Variants in BLACAT1 observed in about 807,000 individuals in gnomAD.
BLACAT1 encodes BLACAT1 overlapping LEMD1 locus, also known as bladder cancer associated transcript 1.
At position 205,448,152 on chromosome 1, in the gene BLACAT1, G is replaced by T. The variant is rs960364584; in HGVS notation, c.-36-7090C>A. 8.4e-6 allele frequency: 3 copies of T among 358,490 alleles called. No individual in the cohort carries two copies. In the East Asian group the frequency reaches 2.0e-4, roughly 24 times the overall value. 22.2% of individuals were successfully genotyped at this position (358,490 alleles called of 1,614,324 possible). A position where few individuals can be genotyped will look rare whatever the true frequency, so the allele number is the denominator to read the frequency against. Reference sequence around the variant, plus strand: ...AGAGTGAGGAAACAGGGCCAGAAGGGAAGTGACTGGGCCAAGGTCACACGG... The same window carrying T: ...AGAGTGAGGAAACAGGGCCAGAAGGTAAGTGACTGGGCCAAGGTCACACGG... On this transcript the variant is annotated intron_variant, in intron 1 of 1. Coordinates refer to ENST00000629624, the Ensembl canonical transcript of BLACAT1. This position sits in a 1 kb window ranked among gnomAD's most constrained non-coding sequence, Gnocchi z 4.7.
intron 1 of BLACAT1, among the ~76,000 whole-genome samples, chr1:205,451,133 T>C (rs529371361): frequency 6.6e-6 from 1 of 152,156 alleles, no homozygotes; most frequent in Non-Finnish European, 1.5e-5. Context: ...CATTTTCTCT[T>C]TAGCTTCCCC....
At chr1:205,453,871 A>T (rs1301582495) in intron 1 of BLACAT1, among the ~76,000 whole-genome samples, 2 of 152,220 alleles carry the variant, frequency 1.3e-5, no homozygotes, top group Non-Finnish European at 2.9e-5. Context: ...AGAATGGGTC[A>T]TTGGCAAACT....
At chr1:205,435,074 A>G (rs139839131), downstream of BLACAT1, 225 of 152,314 alleles carry the variant, frequency 1.5e-3, 2 homozygotes, top group African/African-American at 5.2e-3. Context: ...ACCATCCACG[A>G]GTCAGTTCAG....
At chr1:205,445,405 G>T (rs750434522) in intron 1 of BLACAT1, among the ~76,000 whole-genome samples, 1 of 152,214 alleles carries the variant, frequency 6.6e-6, no homozygotes, top group African/African-American at 2.4e-5. Context: ...GGAGAAGCCC[G>T]CATTCTCCTT....
chr1:205,450,467 G>A lies in BLACAT1; in HGVS notation c.-37+5450C>T, dbSNP rs1364328498. On this transcript the variant is annotated intron_variant, in intron 1 of 1. Coordinates refer to ENST00000629624, the Ensembl canonical transcript of BLACAT1. The surrounding 1 kb of genome is among the most constrained non-coding windows in gnomAD (Gnocchi z 4.4). Reference sequence around the variant, plus strand: ...CTGCCTGGCCCCCCTCCCCTTCTCCGCAGCCCTGGTTCCTCTCCTCACCCA... The same window carrying A: ...CTGCCTGGCCCCCCTCCCCTTCTCCACAGCCCTGGTTCCTCTCCTCACCCA... Among the ~76,000 whole-genome samples, 7 of 126,262 alleles carry A rather than the reference G, an allele frequency of 5.5e-5. No homozygotes were observed. The highest frequency in any genetic ancestry group is 8.4e-5 in the Non-Finnish European group (5 of 59,630). The allele number at this position is 126,262 out of a possible 152,430, so 82.8% of individuals were successfully genotyped here. A position where few individuals can be genotyped will look rare whatever the true frequency, so the allele number is the denominator to read the frequency against.
intron 1 of BLACAT1, among the ~76,000 whole-genome samples, chr1:205,449,478 C>T (rs1270273975): frequency 6.6e-6 from 1 of 152,054 alleles, no homozygotes; most frequent in Non-Finnish European, 1.5e-5. Flanking sequence ...CCCAACTGTA[C>T]CCTCAGCCCC....
chr1:205,455,693 C>T (rs1256310066), intron 1 of BLACAT1, among the ~76,000 whole-genome samples: 1 of 152,134 alleles, frequency 6.6e-6, no homozygotes, highest in Non-Finnish European at 1.5e-5. Flanking sequence ...AGGGGGCTTC[C>T]TCTTTGGTCG....
At chr1:205,447,189 C>T (rs1666406612) in intron 1 of BLACAT1, among the ~76,000 whole-genome samples, 1 of 152,224 alleles carries the variant, frequency 6.6e-6, no homozygotes, top group African/African-American at 2.4e-5. Context: ...AGTTGTGCTC[C>T]TTCCTATCCA....
intron 1 of BLACAT1, among the ~76,000 whole-genome samples, chr1:205,442,454 C>A (rs1666310693): frequency 6.6e-6 from 1 of 152,190 alleles, no homozygotes; most frequent in South Asian, 2.1e-4. Flanking sequence ...GACAACCTTG[C>A]CCTTTTGGAA....
chr1:205,440,634 G>A (rs1666277691), exon 2 of BLACAT1: 1 of 152,442 alleles, frequency 6.6e-6, no homozygotes, highest in South Asian at 2.1e-4. Flanking sequence ...TGGCCTCCCT[G>A]GGGCTTCTCA....
chr1:205,437,849 C>G (rs1160715134), downstream of BLACAT1: 1 of 152,232 alleles, frequency 6.6e-6, no homozygotes, highest in African/African-American at 2.4e-5. Context: ...GCCAGGAGAC[C>G]TGGCTCCCAG....
In BLACAT1 at chr1:205,448,439, C is replaced by G. The variant is rs1278113107; in HGVS notation, c.-36-7377G>C. The G allele has an allele frequency of 1.9e-6, 1 of 531,350 alleles. No homozygotes were observed. The highest frequency in any genetic ancestry group is 3.9e-6 in the Non-Finnish European group (1 of 259,540). 32.9% of individuals were successfully genotyped at this position (531,350 alleles called of 1,614,324 possible). A position where few individuals can be genotyped will look rare whatever the true frequency, so the allele number is the denominator to read the frequency against. On this transcript the variant is annotated intron_variant, in intron 1 of 1. Coordinates refer to ENST00000629624, the Ensembl canonical transcript of BLACAT1. This position sits in a 1 kb window ranked among gnomAD's most constrained non-coding sequence, Gnocchi z 4.7. ...AGGAATCTCATAGGGAAGCGAGAAG[C>G]TGGGGCACCCGAGAAGCCCTCACTC... is the stretch of plus-strand genomic sequence containing the variant.
intron 1 of BLACAT1, among the ~76,000 whole-genome samples, chr1:205,449,562 T>C (rs75748414): frequency 0.02 from 2,997 of 152,014 alleles, 93 homozygotes; most frequent in African/African-American, 0.069. Flanking sequence ...AATCCTGCAT[T>C]CCCCAACAAC....
intron 1 of BLACAT1, among the ~76,000 whole-genome samples, chr1:205,453,106 C>A (rs1666517691): frequency 6.6e-6 from 1 of 152,110 alleles, no homozygotes; most frequent in Non-Finnish European, 1.5e-5. Flanking sequence ...ACTGCTGAAA[C>A]TTCAGAGAGC....
chr1:205,446,770 TGA>T (rs1456005846), intron 1 of BLACAT1, among the ~76,000 whole-genome samples: 2 of 152,118 alleles, frequency 1.3e-5, no homozygotes, highest in Non-Finnish European at 1.5e-5. Flanking sequence ...GAACTCTGGG[TGA>T]GAGAACCCAG....
chr1:205,449,447 G>C (rs770529363), intron 1 of BLACAT1, among the ~76,000 whole-genome samples: 3 of 151,962 alleles, frequency 2.0e-5, no homozygotes, highest in Non-Finnish European at 4.4e-5. Flanking sequence ...GCCTCTGCCA[G>C]GGAGTAGCTG....
At chr1:205,442,237 G>A (rs998261056) in intron 1 of BLACAT1, among the ~76,000 whole-genome samples, 3 of 152,168 alleles carry the variant, frequency 2.0e-5, no homozygotes, top group African/African-American at 4.8e-5. Flanking sequence ...CAAGTGCTGC[G>A]GGGAAGGAGG....
chr1:205,437,637 G>C (rs557957624), downstream of BLACAT1: 4 of 152,364 alleles, frequency 2.6e-5, no homozygotes, highest in South Asian at 8.3e-4. Flanking sequence ...TGAGGGCAGA[G>C]GAAACCTGCG....
At chr1:205,444,344 T>C (rs974190300) in intron 1 of BLACAT1, among the ~76,000 whole-genome samples, 2 of 152,070 alleles carry the variant, frequency 1.3e-5, no homozygotes, top group South Asian at 2.1e-4. Flanking sequence ...AGGTCCAAGA[T>C]GGTTTACGGT....
Sources: gnomAD v4.1 joint callset for allele counts (sites outside exome capture counted in the v4.1 genomes callset) on GRCh38, gnomAD v4.1.1 for gene constraint, Gnocchi (gnomAD v3.1) non-coding constraint, MANE v1.5 for transcripts, NCBI Gene and HGNC (gene_info 2026-07-23, HGNC 2026-07-21) for gene names.